The following C1QTNF2 variants were observed in gnomAD, a reference collection of about 807,000 sequenced individuals.
C1QTNF2 encodes C1q and TNF related 2.
A neutral mutation model predicts 17.4 loss-of-function variants in C1QTNF2; 15 were observed. That is an observed-to-expected ratio of 0.86 (90% CI 0.58 to 1.33). The LOEUF (loss-of-function observed/expected upper bound fraction) is 1.33, where lower values mean the gene tolerates loss of function less well. Ranked by LOEUF, C1QTNF2 falls within the 40% of genes most tolerant of loss-of-function variation. C1QTNF2 has a pLI of 0.00. For missense variants in C1QTNF2, 381 were observed against 392.3 expected (o/e 0.97, Z 0.24); for synonymous variants, 154 against 163.3 (o/e 0.94, Z 0.44).
chr5:160,351,615 TA>T (rs1763923824), intron 2 of C1QTNF2, among the ~76,000 whole-genome samples: 5 of 152,262 alleles, frequency 3.3e-5, no homozygotes, highest in Admixed American at 3.3e-4. Context: ...AATACATATG[TA>T]AATATATAGA....
At chr5:160,353,011 G>A (rs1763954680) in intron 2 of C1QTNF2, among the ~76,000 whole-genome samples, 1 of 152,094 alleles carries the variant, frequency 6.6e-6, no homozygotes, top group Non-Finnish European at 1.5e-5. Flanking sequence ...TAGAGATGAG[G>A]AAACCATGGT....
At position 160,349,680 on chromosome 5, in the gene C1QTNF2, T is replaced by C; in HGVS notation, c.346A>G (p.Thr116Ala). 1.2e-6 allele frequency: 2 copies of C among 1,612,520 alleles called. No homozygotes were observed. The highest frequency in any genetic ancestry group is 1.7e-6 in the Non-Finnish European group (2 of 1,179,646). Reference sequence around the variant, plus strand: ...CCTGGTGTGCCATGCTTCCCGGGGGTACCGTTGACCCCCTTGGGGCCACGG... The same window carrying C: ...CCTGGTGTGCCATGCTTCCCGGGGGCACCGTTGACCCCCTTGGGGCCACGG... ...GPRGPKGVNG[T>A]PGKHGTPGKK... The change falls in exon 3 of 3, where the codon ACC becomes GCC. Residue 116 changes from threonine to alanine, a missense_variant. Physicochemically the swap from Thr to Ala is moderately conservative, Grantham distance 58. Coordinates refer to ENST00000652664, the MANE Select transcript of C1QTNF2 (RefSeq NM_031908.6). This position sits in a 1 kb window ranked among gnomAD's most constrained non-coding sequence, Gnocchi z 4.3.
intron 1 of C1QTNF2, among the ~76,000 whole-genome samples, chr5:160,364,176 C>G (rs929311834): frequency 2.6e-5 from 4 of 152,148 alleles, no homozygotes; most frequent in African/African-American, 4.8e-5. Context: ...TCTTTGAAGC[C>G]CAGTGATGTA....
intron 1 of C1QTNF2, among the ~76,000 whole-genome samples, chr5:160,355,518 G>T (rs1764031235): frequency 6.6e-6 from 1 of 152,202 alleles, no homozygotes; most frequent in South Asian, 2.1e-4. Context: ...CTGAGTGGAG[G>T]TCAACCATCA....
chr5:160,357,117 A>T (rs1162276538), intron 1 of C1QTNF2, among the ~76,000 whole-genome samples: 2 of 152,140 alleles, frequency 1.3e-5, no homozygotes, highest in African/African-American at 2.4e-5. Context: ...AACATCTAGA[A>T]ATCCTCCTCC....
chr5:160,360,689 A>G (rs182167599), intron 1 of C1QTNF2, among the ~76,000 whole-genome samples: 22 of 152,292 alleles, frequency 1.4e-4, no homozygotes, highest in Middle Eastern at 3.4e-3. Flanking sequence ...GGAAGGTGTT[A>G]GTTTAATATG....
chr5:160,367,021 CAAAAAA>C (rs71285021), intron 1 of C1QTNF2, among the ~76,000 whole-genome samples: 1 of 87,362 alleles, frequency 1.1e-5, no homozygotes, highest in African/African-American at 4.0e-5. Flanking sequence ...AAGACATTGT[CAAAAAA>C]AAAAAAAAAA....
intron 1 of C1QTNF2, among the ~76,000 whole-genome samples, chr5:160,359,157 G>GA (rs1463063710): frequency 6.6e-6 from 1 of 151,442 alleles, no homozygotes; most frequent in Non-Finnish European, 1.5e-5. Flanking sequence ...TTTTTCAGAG[G>GA]AAAAAACAGA....
At chr5:160,366,450 CT>C (rs1184920170) in intron 1 of C1QTNF2, among the ~76,000 whole-genome samples, 1 of 152,180 alleles carries the variant, frequency 6.6e-6, no homozygotes, top group African/African-American at 2.4e-5. Context: ...GGTTGCCACA[CT>C]CATGAGAATA....
At chr5:160,365,385 C>A (rs1347739755) in intron 1 of C1QTNF2, among the ~76,000 whole-genome samples, 1 of 152,204 alleles carries the variant, frequency 6.6e-6, no homozygotes, top group Non-Finnish European at 1.5e-5. Context: ...CATTTCTGGT[C>A]AGGCCTTGAT....
intron 1 of C1QTNF2, among the ~76,000 whole-genome samples, chr5:160,370,265 T>A (rs1764325940): frequency 6.6e-6 from 1 of 152,226 alleles, no homozygotes; most frequent in Non-Finnish European, 1.5e-5. Flanking sequence ...GTTACTATTG[T>A]AACGGGTAAA....
chr5:160,370,502 G>C lies in C1QTNF2; in HGVS notation c.-10+10C>G, dbSNP rs762572481. 6.8e-7 allele frequency: 1 copy of C among 1,467,736 alleles called. No individual in the cohort carries two copies. Among genetic ancestry groups the C allele is most frequent in the East Asian group, 2.8e-5 (1 of 35,448 alleles). 90.9% of individuals were successfully genotyped at this position (1,467,736 alleles called of 1,614,324 possible). On this transcript the variant is annotated intron_variant, in intron 1 of 2. Transcript: ENST00000652664. Reference sequence around the variant, plus strand: ...GCCGCCCCCGCCCGACCGCGGTGCGGGACACTCACCCTCGCGGCTGCCCGC... The same window carrying C: ...GCCGCCCCCGCCCGACCGCGGTGCGCGACACTCACCCTCGCGGCTGCCCGC...
chr5:160,360,067 T>C (rs1764125108), intron 1 of C1QTNF2, among the ~76,000 whole-genome samples: 1 of 152,138 alleles, frequency 6.6e-6, no homozygotes, highest in Admixed American at 6.5e-5. Flanking sequence ...TGTATTTCAG[T>C]TTAAATGTCA....
intron 1 of C1QTNF2, among the ~76,000 whole-genome samples, chr5:160,361,940 C>G (rs961501615): frequency 2.6e-5 from 4 of 152,208 alleles, no homozygotes; most frequent in Non-Finnish European, 5.9e-5. Context: ...AACTCTCTGG[C>G]TCTTTCCCTG....
chr5:160,354,596 A>ATATATATATATAT (rs1763994534), intron 2 of C1QTNF2, among the ~76,000 whole-genome samples, 172 bp downstream of exon 2: 1 of 49,920 alleles, frequency 2.0e-5, no homozygotes, highest in African/African-American at 9.0e-5. Flanking sequence ...AAAAAAAAAA[A>ATATATATATATAT]AGTATATATA....
In C1QTNF2 at chr5:160,357,628, G is replaced by A. The variant is rs535612808; in HGVS notation, c.-9-2608C>T. On this transcript the variant is annotated intron_variant, in intron 1 of 2. Coordinates refer to ENST00000652664, the MANE Select transcript of C1QTNF2 (RefSeq NM_031908.6). ...GAAACTGAATTTTTAAAGCAGGTTC[G>A]AAATGATTTGGAAAGTTGCAGTCTA... Among the ~76,000 whole-genome samples the A allele has an allele frequency of 1.4e-4, 22 of 152,306 alleles. No homozygotes were observed. In the South Asian group the frequency reaches 1.9e-3, roughly 13 times the overall value.
At chr5:160,356,214 G>A (rs1764047954) in intron 1 of C1QTNF2, among the ~76,000 whole-genome samples, 1 of 152,208 alleles carries the variant, frequency 6.6e-6, no homozygotes, top group South Asian at 2.1e-4. Context: ...AAACCAGGAG[G>A]GGGAACATCC....
At chr5:160,363,399 A>G (rs1764188875) in intron 1 of C1QTNF2, among the ~76,000 whole-genome samples, 1 of 152,184 alleles carries the variant, frequency 6.6e-6, no homozygotes, top group South Asian at 2.1e-4. Context: ...CAGAGGCTTA[A>G]AAGTCCTGGG....
At chr5:160,368,157 T>TA (rs1363062864) in intron 1 of C1QTNF2, among the ~76,000 whole-genome samples, 1 of 152,004 alleles carries the variant, frequency 6.6e-6, no homozygotes. Context: ...GTTATAGGAG[T>TA]AAGCCACTTA....
Sources: gnomAD v4.1 joint callset for allele counts (sites outside exome capture counted in the v4.1 genomes callset) on GRCh38, gnomAD v4.1.1 for gene constraint, Gnocchi (gnomAD v3.1) non-coding constraint, MANE v1.5 for transcripts, NCBI Gene and HGNC (gene_info 2026-07-23, HGNC 2026-07-21) for gene names.